Variants in PRKN observed in about 807,000 individuals in gnomAD.
The protein encoded by PRKN is parkin RBR E3 ubiquitin protein ligase.
In PRKN, 56 loss-of-function variants were observed where a neutral mutation model predicts 59.5. The observed-to-expected ratio is 0.94, with a 90% confidence interval of 0.76 to 1.18. PRKN has a LOEUF of 1.18. Among genes scored for constraint, PRKN ranks in the 50% most tolerant of loss-of-function variants. PRKN has a pLI of 0.00. For synonymous variants in PRKN, 250 were observed against 222.1 expected, an observed-to-expected ratio of 1.13 and a Z score of -1.12; for missense variants, 657 against 596.4, an observed-to-expected ratio of 1.10 and a Z score of -1.06.
chr6:162,182,810 T>C (rs1783855716), intron 4 of PRKN, among the ~76,000 whole-genome samples: 1 of 152,192 alleles, frequency 6.6e-6, no homozygotes, highest in African/African-American at 2.4e-5. Flanking sequence ...TCCAACAGCA[T>C]ATGCTCATTT....
chr6:162,030,079 ATCT>A (rs780905670), intron 5 of PRKN, among the ~76,000 whole-genome samples: 7 of 152,144 alleles, frequency 4.6e-5, no homozygotes, highest in Non-Finnish European at 8.8e-5. Flanking sequence ...GCTTCAGGCA[ATCT>A]TCTCACCTCA....
At chr6:161,366,898 G>A (rs1208582016) in intron 10 of PRKN, among the ~76,000 whole-genome samples, 2 of 151,258 alleles carry the variant, frequency 1.3e-5, no homozygotes, top group Non-Finnish European at 2.9e-5. Context: ...CCCAATTTAC[G>A]AATCGCTTTT....
chr6:162,713,489 AC>A (rs1404080350), intron 1 of PRKN, among the ~76,000 whole-genome samples: 6 of 67,510 alleles, frequency 8.9e-5, no homozygotes, highest in Non-Finnish European at 1.1e-4. Context: ...GTGAGACTCC[AC>A]CTCAAAAAAA....
At position 162,544,304 on chromosome 6, in the gene PRKN, C is replaced by T. The variant is rs1451012767; in HGVS notation, c.8-100831G>A. Among the ~76,000 whole-genome samples the T allele has an allele frequency of 3.9e-5, 6 of 152,068 alleles. No homozygotes were observed. The East Asian group carries it at 9.6e-4, about 24-fold the overall frequency. ...TCTAATAGTCTTTAGCACTCCCACA[C>T]GAGCAAACCTGGCTGCAAAATCATG... On this transcript the variant is annotated intron_variant, in intron 1 of 11. Transcript: ENST00000366898.
intron 2 of PRKN, among the ~76,000 whole-genome samples, chr6:162,328,118 T>A (rs1783385762): frequency 1.9e-5 from 1 of 51,390 alleles, no homozygotes; most frequent in Admixed American, 2.0e-4. Context: ...CCCAGCATTT[T>A]GAGAGGCCAA....
Position 162,299,829 on chromosome 6 carries a change from A to G in PRKN, c.172-37064T>C, listed in dbSNP as rs970062445. Among the ~76,000 whole-genome samples the G allele has an allele frequency of 3.9e-5, 6 of 152,228 alleles. No homozygotes were observed. The South Asian group carries it at 1.0e-3, about 26-fold the overall frequency. Reference sequence around the variant, plus strand: ...AGACATCTGTAACAAATAACTAATTACACATAATTGTAAAGTAAAGTAAAG... The same window carrying G: ...AGACATCTGTAACAAATAACTAATTGCACATAATTGTAAAGTAAAGTAAAG... On this transcript the variant is annotated intron_variant, in intron 2 of 11. Transcript: ENST00000366898.
chr6:162,089,697 T>A (rs1366123400), intron 4 of PRKN, among the ~76,000 whole-genome samples: 1 of 152,216 alleles, frequency 6.6e-6, no homozygotes, highest in Non-Finnish European at 1.5e-5. Flanking sequence ...AATGGAATAT[T>A]ATTTGGCAAT....
chr6:162,535,626 G>A (rs970537262), intron 1 of PRKN, among the ~76,000 whole-genome samples: 57 of 151,900 alleles, frequency 3.8e-4, no homozygotes, highest in African/African-American at 1.4e-3. Context: ...TATGGCATGA[G>A]GACCAGGCTC....
At chr6:162,578,319 TA>T (rs1329627757) in intron 1 of PRKN, among the ~76,000 whole-genome samples, 1 of 152,214 alleles carries the variant, frequency 6.6e-6, no homozygotes, top group East Asian at 1.9e-4. Flanking sequence ...TATAATGTAT[TA>T]AAAATATGTT....
At chr6:162,135,810 T>G (rs1378984030) in intron 4 of PRKN, among the ~76,000 whole-genome samples, 1 of 152,164 alleles carries the variant, frequency 6.6e-6, no homozygotes, top group African/African-American at 2.4e-5. Flanking sequence ...ACTGATCATT[T>G]CTGATCACAA....
chr6:161,659,414 C>G (rs904569519), intron 7 of PRKN, among the ~76,000 whole-genome samples: 3 of 152,078 alleles, frequency 2.0e-5, no homozygotes, highest in East Asian at 1.9e-4. Flanking sequence ...TTAAGCAGGC[C>G]TGGTGATGGT....
At chr6:161,761,345 A>AATGGATGGATAGACGGCGG (rs144422861) in intron 7 of PRKN, among the ~76,000 whole-genome samples, 1 of 151,578 alleles carries the variant, frequency 6.6e-6, no homozygotes, top group Non-Finnish European at 1.5e-5. Flanking sequence ...ATGATGGATG[A>AATGGATGGATAGACGGCGG]ATGGATGGAT....
chr6:162,590,144 C>T (rs993640173), intron 1 of PRKN, among the ~76,000 whole-genome samples: 5 of 152,020 alleles, frequency 3.3e-5, no homozygotes, highest in African/African-American at 1.2e-4. Context: ...TTCTCCTTTC[C>T]TTTAAAATAA....
At chr6:162,319,400 T>C (rs1327625908) in intron 2 of PRKN, among the ~76,000 whole-genome samples, 4 of 152,042 alleles carry the variant, frequency 2.6e-5, no homozygotes, top group Non-Finnish European at 4.4e-5. Context: ...CATCGTCCGT[T>C]GCTGCAGTTG....
intron 1 of PRKN, among the ~76,000 whole-genome samples, chr6:162,658,658 CAAAAAAAAAA>C (rs57853171): frequency 9.2e-6 from 1 of 109,112 alleles, no homozygotes; most frequent in Non-Finnish European, 1.9e-5. Flanking sequence ...GAGACTCTGT[CAAAAAAAAAA>C]AAAAAGAAAA....
chr6:162,008,455 C>A lies in PRKN; in HGVS notation c.619-35038G>T, dbSNP rs7738196. Among the ~76,000 whole-genome samples the A allele has an allele frequency of 3.9e-3, 587 of 152,292 alleles. 3 individuals carry two copies. The highest frequency in any genetic ancestry group is 0.013 in the African/African-American group (555 of 41,562). ...TATTCCTCAGGCCTCACTAAGTACT[C>A]AAGCCAAGGCTGAGAAGAGAACAGT... On this transcript the variant is annotated intron_variant, in intron 5 of 11. Transcript: ENST00000366898.
intron 6 of PRKN, among the ~76,000 whole-genome samples, chr6:161,947,958 T>A (rs145478330): frequency 5.9e-5 from 9 of 152,284 alleles, no homozygotes; most frequent in Admixed American, 5.9e-4. Context: ...TTATTATGTA[T>A]CTTGAGATGC....
At chr6:161,940,138 C>T (rs1455615514) in intron 6 of PRKN, among the ~76,000 whole-genome samples, 2 of 152,096 alleles carry the variant, frequency 1.3e-5, no homozygotes, top group Non-Finnish European at 2.9e-5. Flanking sequence ...TCAGGTGATC[C>T]ACCCACCTTG....
chr6:161,589,923 G>A (rs1781656264), intron 7 of PRKN, among the ~76,000 whole-genome samples: 1 of 151,370 alleles, frequency 6.6e-6, no homozygotes, highest in African/African-American at 2.4e-5. Context: ...GGGACTACAG[G>A]TGCCCGACAT....
Sources: gnomAD v4.1 joint callset for allele counts (sites outside exome capture counted in the v4.1 genomes callset) on GRCh38, gnomAD v4.1.1 for gene constraint, MANE v1.5 for transcripts, NCBI Gene and HGNC (gene_info 2026-07-23, HGNC 2026-07-21) for gene names.